Variants in DCUN1D5 observed in about 807,000 individuals in gnomAD.
DCUN1D5 encodes defective in cullin neddylation 1 domain containing 5, also known as DCN1-like protein 5.
In DCUN1D5, 10 loss-of-function variants were observed where a neutral mutation model predicts 38.3. The ratio of observed to expected loss-of-function variants is 0.26; its 90% CI spans 0.16 to 0.44. DCUN1D5 has a LOEUF of 0.44. DCUN1D5 is among the 20% of genes least tolerant of loss of function. The pLI, the probability that DCUN1D5 is intolerant of heterozygous loss-of-function variation, is 1.00. For missense variants in DCUN1D5, 148 were observed against 275.3 expected (o/e 0.54, Z 3.27); for synonymous variants, 93 against 90.9 (o/e 1.02, Z -0.13).
intron 4 of DCUN1D5, among the ~76,000 whole-genome samples, chr11:103,080,566 C>G (rs1416859386): frequency 6.6e-6 from 1 of 152,182 alleles, no homozygotes; most frequent in Non-Finnish European, 1.5e-5. Context: ...TCCTCAGTAG[C>G]TTCAAGGCTC....
Position 103,062,005 on chromosome 11 carries a change from T to C in DCUN1D5, c.*354A>G, listed in dbSNP as rs567004849. The C allele has an allele frequency of 1.1e-4, 22 of 202,338 alleles. No homozygotes were observed. The highest frequency in any genetic ancestry group is 4.0e-4 in the African/African-American group (17 of 42,914). The allele number at this position is 202,338 out of a possible 1,614,324, so 12.5% of individuals were successfully genotyped here. On this transcript the variant is annotated 3_prime_UTR_variant, in exon 8 of 8. Transcript: ENST00000260247. This position sits in a 1 kb window ranked among gnomAD's most constrained non-coding sequence, Gnocchi z 4.6. ...GAAAATTCTGTAAATTCACGGTGAA[T>C]TGGAACCTCAAAAATCAAAAAATTC...
chr11:103,066,200 T>C lies in DCUN1D5; in HGVS notation c.555+69A>G. 1 of 1,018,810 alleles carries C rather than the reference T, an allele frequency of 9.8e-7. No homozygotes were observed. The highest frequency in any genetic ancestry group is 1.4e-6 in the Non-Finnish European group (1 of 714,072). The allele number at this position is 1,018,810 out of a possible 1,614,324, so 63.1% of individuals were successfully genotyped here. On this transcript the variant is annotated intron_variant, in intron 6 of 7. Coordinates refer to ENST00000260247, the MANE Select transcript of DCUN1D5 (RefSeq NM_032299.4). This position sits in a 1 kb window ranked among gnomAD's most constrained non-coding sequence, Gnocchi z 4.7. ...AGCATACTATTAAAAATCTACTTGT[T>C]CCTCAAAAGTATAACTTTCAGATTA...
chr11:103,068,862 T>G (rs1363686400), intron 4 of DCUN1D5, among the ~76,000 whole-genome samples: 1 of 151,912 alleles, frequency 6.6e-6, no homozygotes, highest in East Asian at 1.9e-4. Context: ...GATCTTACAG[T>G]TCAAAAATAC....
chr11:103,070,094 G>A (rs1325521838), intron 4 of DCUN1D5, among the ~76,000 whole-genome samples: 3 of 143,988 alleles, frequency 2.1e-5, no homozygotes, highest in Middle Eastern at 3.5e-3. Context: ...ATAGAAAAAT[G>A]AAAAAATATA....
intron 4 of DCUN1D5, among the ~76,000 whole-genome samples, chr11:103,080,273 A>G (rs2134627361): frequency 6.6e-6 from 1 of 152,352 alleles, no homozygotes; most frequent in South Asian, 2.1e-4. Context: ...TATGAAAAAT[A>G]TCAGAGAGAA....
rs1294024358 is a variant in DCUN1D5, at chr11:103,072,767, G to T, written c.342-6200C>A. Among the ~76,000 whole-genome samples, 220 of 121,854 alleles carry T rather than the reference G, an allele frequency of 1.8e-3. 2 individuals carry two copies. Among genetic ancestry groups the T allele is most frequent in the Middle Eastern group, 4.1e-3 (1 of 242 alleles). 79.9% of individuals were successfully genotyped at this position (121,854 alleles called of 152,430 possible). A position where few individuals can be genotyped will look rare whatever the true frequency, so the allele number is the denominator to read the frequency against. Reference sequence around the variant, plus strand: ...ACACACCGGGGCCTGTCGGGGGGTGGGGGGAGGGGGGAGGGATAGCATTAG... The same window carrying T: ...ACACACCGGGGCCTGTCGGGGGGTGTGGGGAGGGGGGAGGGATAGCATTAG... On this transcript the variant is annotated intron_variant, in intron 4 of 7. Coordinates refer to ENST00000260247, the MANE Select transcript of DCUN1D5 (RefSeq NM_032299.4).
chr11:103,086,661 G>A lies in DCUN1D5; in HGVS notation c.178+2566C>T, dbSNP rs985512471. ...GACTGTCTTCCTCACCAGAAGGCAA[G>A]TCCCCCAAAGGCAGGGATCTTGTCT... On this transcript the variant is annotated intron_variant, in intron 2 of 7. Transcript: ENST00000260247. The surrounding 1 kb of genome is among the most constrained non-coding windows in gnomAD (Gnocchi z 4.1). Among the ~76,000 whole-genome samples the A allele has an allele frequency of 1.3e-5, 2 of 152,052 alleles. No individual in the cohort carries two copies. Among genetic ancestry groups the A allele is most frequent in the Admixed American group, 6.6e-5 (1 of 15,264 alleles).
rs776889446 is a variant in DCUN1D5 at position 103,091,751 on chromosome 11, G to A, written c.86+36C>T. 1.2e-5 allele frequency: 19 copies of A among 1,613,738 alleles called. 1 individual carries two copies. In the South Asian group the frequency reaches 2.0e-4, roughly 17 times the overall value. The stretch of plus-strand genomic sequence containing the variant: ...TCCTCCAGTTGTCCAGCAAAGGAGG[G>A]AGGAGGGAAGCTTGAAGGGTGGGGG... On this transcript the variant is annotated intron_variant, in intron 1 of 7. Transcript: ENST00000260247. The surrounding 1 kb of genome is among the most constrained non-coding windows in gnomAD (Gnocchi z 4.3).
intron 4 of DCUN1D5, among the ~76,000 whole-genome samples, chr11:103,070,738 T>C (rs1862250858): frequency 6.6e-6 from 1 of 152,148 alleles, no homozygotes; most frequent in African/African-American, 2.4e-5. Flanking sequence ...CTGAACTTAG[T>C]AGACTACTCC....
rs1862276941 is a variant in DCUN1D5 at position 103,071,701 on chromosome 11, A to AAC, written c.342-5136_342-5135dup. ...AAATGGACCAATAAGTTCCTTGAAA[A>AAC]ACACAAACTACCACAACACATACAA... On this transcript the variant is annotated intron_variant, in intron 4 of 7. Transcript: ENST00000260247. The surrounding 1 kb of genome is among the most constrained non-coding windows in gnomAD (Gnocchi z 4.1). Among the ~76,000 whole-genome samples the AAC allele has an allele frequency of 6.6e-6, 1 of 151,180 alleles. No individual in the cohort carries two copies. The highest frequency in any genetic ancestry group is 6.6e-5 in the Admixed American group (1 of 15,226).
intron 4 of DCUN1D5, among the ~76,000 whole-genome samples, chr11:103,075,104 T>C (rs1051922609): frequency 7.2e-5 from 11 of 152,182 alleles, no homozygotes; most frequent in African/African-American, 2.7e-4. Context: ...TTACCTCTAA[T>C]TGTGTGTAAA....
intron 4 of DCUN1D5, among the ~76,000 whole-genome samples, chr11:103,081,005 C>CT (rs1862549438): frequency 6.8e-6 from 1 of 147,372 alleles, no homozygotes; most frequent in Non-Finnish European, 1.5e-5. Flanking sequence ...AAGACTCCGT[C>CT]TAAAAAAAAA....
At position 103,066,399 on chromosome 11, in the gene DCUN1D5, C is replaced by T. The variant is rs897368973; in HGVS notation, c.451-26G>A. 3.1e-6 allele frequency: 5 copies of T among 1,598,058 alleles called. No individual in the cohort carries two copies. In the African/African-American group the frequency reaches 6.8e-5, roughly 22 times the overall value. ...CTAAAATATAAGTGAAAAAGTTTTC[C>T]TAAGTGTGGTCTCAAGATGAAAAGC... On this transcript the variant is annotated intron_variant, in intron 5 of 7. Transcript: ENST00000260247. The surrounding 1 kb of genome is among the most constrained non-coding windows in gnomAD (Gnocchi z 4.7).
chr11:103,075,850 T>G (rs1862395531), intron 4 of DCUN1D5, among the ~76,000 whole-genome samples: 1 of 152,208 alleles, frequency 6.6e-6, no homozygotes, highest in African/African-American at 2.4e-5. Flanking sequence ...CAAGAAAAAT[T>G]TATTCTTACT....
intron 4 of DCUN1D5, among the ~76,000 whole-genome samples, chr11:103,082,191 C>T (rs1019175251): frequency 6.6e-6 from 1 of 152,060 alleles, no homozygotes. Context: ...TGTTCAAAGA[C>T]AGGATCCTAA....
chr11:103,051,509 C>CA lies in DCUN1D5; in HGVS notation c.*10849_*10850insT, dbSNP rs201580789. 8.5e-5 allele frequency: 12 copies of CA among 140,388 alleles called. 1 individual carries two copies. In the East Asian group the frequency reaches 1.9e-3, roughly 22 times the overall value. 8.7% of individuals were successfully genotyped at this position (140,388 alleles called of 1,614,324 possible). On this transcript the variant is annotated 3_prime_UTR_variant, in exon 8 of 8. Coordinates refer to ENST00000260247, the MANE Select transcript of DCUN1D5 (RefSeq NM_032299.4). Reference sequence around the variant, plus strand: ...GGCTTCACATATTTACTTCCCCCCCCCCCCCGCCACCCCTGTGTTAACAGG... The same window carrying CA: ...GGCTTCACATATTTACTTCCCCCCCCACCCCCGCCACCCCTGTGTTAACAGG...
At position 103,087,124 on chromosome 11, in the gene DCUN1D5, G is replaced by A. The variant is rs945797587; in HGVS notation, c.178+2103C>T. 2.0e-5 allele frequency among the ~76,000 whole-genome samples: 3 copies of A among 151,506 alleles called. No homozygotes were observed. Among genetic ancestry groups the A allele is most frequent in the Non-Finnish European group, 4.4e-5 (3 of 67,922 alleles). On this transcript the variant is annotated intron_variant, in intron 2 of 7. Transcript: ENST00000260247. The surrounding 1 kb of genome is among the most constrained non-coding windows in gnomAD (Gnocchi z 4.1). Reference sequence around the variant, plus strand: ...TTAGATCACTTGAGCCCAGGAGTTGGAGACCAGTTTGGGCAACATCGTGAA... The same window carrying A: ...TTAGATCACTTGAGCCCAGGAGTTGAAGACCAGTTTGGGCAACATCGTGAA...
chr11:103,072,621 T>C (rs1862305871), intron 4 of DCUN1D5, among the ~76,000 whole-genome samples: 1 of 151,980 alleles, frequency 6.6e-6, no homozygotes, highest in African/African-American at 2.4e-5. Context: ...GGGACAGGGA[T>C]GAAGCTAGAA....
intron 4 of DCUN1D5, among the ~76,000 whole-genome samples, chr11:103,072,343 T>TAGATCTAGATCTAGATCTAGAACTAGAA (rs1862294668): frequency 1.2e-5 from 1 of 82,622 alleles, no homozygotes; most frequent in Non-Finnish European, 2.6e-5. Context: ...TAGAACTAGA[T>TAGATCTAGATCTAGATCTAGAACTAGAA]CTAGATCTAG....
Sources: gnomAD v4.1 joint callset for allele counts (sites outside exome capture counted in the v4.1 genomes callset) on GRCh38, gnomAD v4.1.1 for gene constraint, Gnocchi (gnomAD v3.1) non-coding constraint, MANE v1.5 for transcripts, NCBI Gene and HGNC (gene_info 2026-07-23, HGNC 2026-07-21) for gene names.